The following TMC6 variants were observed in gnomAD, a reference collection of about 807,000 sequenced individuals.
The protein encoded by TMC6 is transmembrane channel-like protein 6.
Under a neutral mutation model 95.4 loss-of-function variants are expected in TMC6, and 71 were observed. The observed-to-expected ratio is 0.74, with a 90% CI of 0.61 to 0.91. The LOEUF (loss-of-function observed/expected upper bound fraction) is 0.91. TMC6 is among the 40% of genes least tolerant of loss of function. The pLI is 0.00. For missense variants in TMC6, 1,074 were observed against 1,079.1 expected (o/e 1.00, Z 0.07); for synonymous variants, 514 against 483.1 (o/e 1.06, Z -0.84).
upstream of TMC6, chr17:78,131,442 G>A: frequency 4.2e-6 from 5 of 1,184,860 alleles, no homozygotes; most frequent in Non-Finnish European, 6.0e-6. Context: ...CCCAGGCCCC[G>A]ACGCCGGCGC....
chr17:78,126,021 C>T, intron 4 of TMC6, 137 bp from the exon 5 acceptor site: 1 of 1,290,170 alleles, frequency 7.8e-7, no homozygotes, highest in Non-Finnish European at 1.1e-6. Flanking sequence ...ACTTCAGGCA[C>T]CACTGCATTC....
At chr17:78,132,020 C>A, upstream of TMC6, 1 of 1,533,702 alleles carries the variant, frequency 6.5e-7, no homozygotes, top group Non-Finnish European at 8.7e-7. Flanking sequence ...GGGCGCTCTA[C>A]GAGATCGGGG....
intron 5 of TMC6, 136 bp downstream of exon 5, chr17:78,125,590 T>C: frequency 7.4e-7 from 1 of 1,359,554 alleles, no homozygotes; most frequent in Non-Finnish European, 9.9e-7. Context: ...GGGGGGGCCT[T>C]CAGGCAGCCT....
rs2074367900 is a variant in TMC6, at chr17:78,120,636, GC to G, written c.1715+16del. 12 of 1,613,914 alleles carry G rather than the reference GC, an allele frequency of 7.4e-6. No individual in the cohort carries two copies. The highest frequency in any genetic ancestry group is 1.0e-5 in the Non-Finnish European group (12 of 1,179,974). On this transcript the variant is annotated intron_variant, in intron 13 of 19. Transcript: ENST00000590602. Reference sequence around the variant, plus strand: ...GGGGAGAACACTCACCACCCAGTCCGCCCAGGACCCCCTCACCTCCACACCA... The same window carrying G: ...GGGGAGAACACTCACCACCCAGTCCGCCAGGACCCCCTCACCTCCACACCA...
rs376404481 is a variant in TMC6 at position 78,121,018 on chromosome 17, G to A, written c.1530C>T (p.Ile510=). ...DSPVLEVYVA[I]CRNLILKLAI... ...TTTCATGTGCGGCCACACACCTGCA[G>A]ATGGCCACGTACACCTCCAGTACCG... The change falls in exon 12 of 20, where the codon ATC becomes ATT. Residue 510 remains isoleucine, a synonymous_variant. Transcript: ENST00000590602. This position sits in a 1 kb window ranked among gnomAD's most constrained non-coding sequence, Gnocchi z 5.6. 19 of 1,613,378 alleles carry A rather than the reference G, an allele frequency of 1.2e-5. No homozygotes were observed. The highest frequency in any genetic ancestry group is 1.6e-5 in the Non-Finnish European group (19 of 1,180,018).
chr17:78,117,873 G>A lies in TMC6; in HGVS notation c.1950C>T (p.Thr650=), dbSNP rs2613516. 0.15 allele frequency: 239,941 copies of A among 1,606,306 alleles called. 18,870 individuals carry two copies. Among genetic ancestry groups the A allele is most frequent in the Middle Eastern group, 0.21 (1,283 of 6,040 alleles). ...GGAAGCAGAGCAGCGTGAGGAAGAC[G>A]GTGCTCATGTGTGAGGCCAGCCAGG... The part of the protein sequence containing the change: ...RRPWLASHMS[T]VFLTLLCFPA... The change falls in exon 16 of 20, where the codon ACC becomes ACT. Residue 650 remains threonine (T), a synonymous_variant. Coordinates refer to ENST00000590602, the MANE Select transcript of TMC6 (RefSeq NM_001127198.5).
chr17:78,132,391 A>AC, upstream of TMC6: 1 of 1,612,224 alleles, frequency 6.2e-7, no homozygotes, highest in Non-Finnish European at 8.5e-7. Flanking sequence ...GTCCTACTTC[A>AC]CCTTCCTCCG....
intron 12 of TMC6, 42 bp from the exon 13 acceptor site, chr17:78,120,874 G>A (rs1162290566): frequency 1.2e-6 from 2 of 1,610,804 alleles, no homozygotes; most frequent in Non-Finnish European, 8.5e-7. Flanking sequence ...CGGGTACAGG[G>A]GACAGAAGAT....
rs781091487 is a variant in TMC6 at position 78,119,400 on chromosome 17, C to T, written c.1716-8G>A. On this transcript the variant is annotated splice_region_variant and splice_polypyrimidine_tract_variant and intron_variant, in intron 13 of 19. Coordinates refer to ENST00000590602, the MANE Select transcript of TMC6 (RefSeq NM_001127198.5). ...TTCTTCTCGGAGATAATCCTGCCTC[C>T]GAGGACCCCGGATCGTTAGATGGGA... 25 of 1,613,670 alleles carry T rather than the reference C, an allele frequency of 1.5e-5. No homozygotes were observed. The highest frequency in any genetic ancestry group is 3.3e-5 in the Admixed American group (2 of 59,994).
intron 18 of TMC6, chr17:78,113,913 G>A (rs558100410): frequency 2.4e-5 from 11 of 453,382 alleles, no homozygotes; most frequent in South Asian, 4.2e-5. Flanking sequence ...GCCCTGCCAC[G>A]TACTGGCTCT....
intron 17 of TMC6, 26 bp downstream of exon 17, chr17:78,117,442 G>C: frequency 6.2e-7 from 1 of 1,610,514 alleles, no homozygotes; most frequent in Middle Eastern, 1.9e-4. Context: ...CATCTCCCCA[G>C]GGCCGCCCCC....
chr17:78,116,276 CTT>C (rs34774395), intron 18 of TMC6, among the ~76,000 whole-genome samples: 60 of 125,360 alleles, frequency 4.8e-4, no homozygotes, highest in African/African-American at 8.5e-4. Flanking sequence ...CATGCCCAGG[CTT>C]TTTTTTTTTT....
rs2074686691 is a variant in TMC6 at position 78,125,898 on chromosome 17, T to TGGGCAGGGCCGGGCC, written c.272-29_272-15dup. 6.5e-7 allele frequency: 1 copy of TGGGCAGGGCCGGGCC among 1,550,164 alleles called. No individual in the cohort carries two copies. The highest frequency in any genetic ancestry group is 8.7e-7 in the Non-Finnish European group (1 of 1,146,836). The stretch of plus-strand genomic sequence containing the variant: ...CTCGGCTGCGGCCTATGGAGGCAGC[T>TGGGCAGGGCCGGGCC]GGGCAGGGCCGGGCCGGGCAGGGCC... On this transcript the variant is annotated splice_polypyrimidine_tract_variant and intron_variant, in intron 4 of 19. Coordinates refer to ENST00000590602, the MANE Select transcript of TMC6 (RefSeq NM_001127198.5).
chr17:78,131,773 G>A, upstream of TMC6: 1 of 1,559,886 alleles, frequency 6.4e-7, no homozygotes, highest in South Asian at 1.2e-5. Flanking sequence ...GTGCGTGGGG[G>A]GGGTGCTGCG....
rs3818156 is a variant in TMC6 at position 78,118,711 on chromosome 17, C to T, written c.1887+260G>A. Among the ~76,000 whole-genome samples the T allele has an allele frequency of 5.2e-4, 79 of 152,268 alleles. No homozygotes were observed. The East Asian group carries it at 0.014, about 27-fold the overall frequency. ...CTTGGTGTCTCCCAGAGCCCTGGCCCTACCCCTGGCCAGGTGCACACAGGT... is the reference window on the plus strand; with the variant it reads ...CTTGGTGTCTCCCAGAGCCCTGGCCTTACCCCTGGCCAGGTGCACACAGGT... On this transcript the variant is annotated intron_variant, in intron 15 of 19. Transcript: ENST00000590602.
chr17:78,131,861 C>A, upstream of TMC6: 5 of 1,463,218 alleles, frequency 3.4e-6, no homozygotes, highest in Non-Finnish European at 4.5e-6. Flanking sequence ...CAGGGGCGCC[C>A]CTGTCACCAC....
intron 18 of TMC6, among the ~76,000 whole-genome samples, chr17:78,115,515 G>A (rs66468151): frequency 0.19 from 29,518 of 151,706 alleles, 3,351 homozygotes; most frequent in African/African-American, 0.3. Flanking sequence ...CCCAGGGGAG[G>A]GGCCTCGGGG....
intron 18 of TMC6, among the ~76,000 whole-genome samples, chr17:78,115,677 CA>C (rs2074054980): frequency 1.9e-5 from 2 of 106,362 alleles, no homozygotes; most frequent in South Asian, 3.7e-4. Context: ...GGAGTGGGCA[CA>C]GGGGCGAAGG....
intron 15 of TMC6, 39 bp downstream of exon 15, chr17:78,118,932 C>T (rs775622591): frequency 3.2e-5 from 50 of 1,564,166 alleles, no homozygotes; most frequent in Non-Finnish European, 4.3e-6. Context: ...TGCCGGCCAC[C>T]CTGCCAGCCC....
Sources: allele counts gnomAD v4.1 joint callset (sites outside exome capture counted in the v4.1 genomes callset), GRCh38; gene constraint gnomAD v4.1.1; non-coding constraint Gnocchi (gnomAD v3.1); transcripts MANE v1.5; gene names NCBI Gene and HGNC (gene_info 2026-07-23, HGNC 2026-07-21).